Variants in IL1B observed in about 807,000 individuals in gnomAD.
IL1B encodes the protein interleukin 1 beta, also known as interleukin-1 beta.
IL1B carries 11 observed loss-of-function variants against 26.2 expected under a neutral mutation model. The observed-to-expected ratio is 0.42, with a 90% CI of 0.26 to 0.70. The LOEUF is 0.70. Among genes scored for constraint, IL1B ranks in the 30% least tolerant of loss-of-function variants. IL1B has a pLI of 0.25. For missense variants in IL1B, 255 were observed against 327.5 expected (o/e 0.78, Z 1.71); for synonymous variants, 118 against 120.8 (o/e 0.98, Z 0.15).
chr2:112,832,590 CT>C (rs779327649), intron 5 of IL1B, 71 bp downstream of exon 5: 1 of 1,475,498 alleles, frequency 6.8e-7, no homozygotes, highest in Non-Finnish European at 9.5e-7. Flanking sequence ...TAACTTTCTA[CT>C]TTGTTTAAAA....
At chr2:112,833,188 A>G in intron 4 of IL1B, 186 bp downstream of exon 4, 1 of 667,162 alleles carries the variant, frequency 1.5e-6, no homozygotes, top group South Asian at 1.7e-5. Context: ...AGCCATCAAG[A>G]TCTTCTTTAA....
intron 5 of IL1B, 129 bp from the exon 6 acceptor site, chr2:112,831,551 C>T: frequency 3.0e-6 from 3 of 994,094 alleles, no homozygotes; most frequent in Non-Finnish European, 4.6e-6. Flanking sequence ...GTTCCTTGGC[C>T]TAAGACACAG....
At chr2:112,833,294 G>A (rs905956051) in intron 4 of IL1B, 80 bp downstream of exon 4, 59 of 1,360,068 alleles carry the variant, frequency 4.3e-5, no homozygotes, top group Non-Finnish European at 5.3e-5. Context: ...CTTTGGCTCT[G>A]GGGGAATTGA....
chr2:112,830,790 TG>T (rs1330280924), intron 6 of IL1B, among the ~76,000 whole-genome samples: 1 of 152,048 alleles, frequency 6.6e-6, no homozygotes, highest in East Asian at 1.9e-4. Context: ...AGGAGCATAA[TG>T]TAGGTGAGAA....
Position 112,830,116 on chromosome 2 carries a change from G to C in IL1B, c.*245C>G. On this transcript the variant is annotated 3_prime_UTR_variant, in exon 7 of 7. Coordinates refer to ENST00000263341, the MANE Select transcript of IL1B (RefSeq NM_000576.3). ...TGTCAGGCGGGCTTTAAGTGAGTAG[G>C]AGAGGTGAGAGAGGCCTGGCTCAAC... is the stretch of plus-strand genomic sequence containing the variant. 2.0e-6 allele frequency: 1 copy of C among 509,134 alleles called. No individual in the cohort carries two copies. The highest frequency in any genetic ancestry group is 3.5e-6 in the Non-Finnish European group (1 of 283,380). The allele number at this position is 509,134 out of a possible 1,614,324, so 31.5% of individuals were successfully genotyped here.
At chr2:112,830,720 CT>C (rs1681968287) in intron 6 of IL1B, 147 bp from the exon 7 acceptor site, 8 of 649,612 alleles carry the variant, frequency 1.2e-5, no homozygotes, top group Non-Finnish European at 1.6e-5. Flanking sequence ...GGGCCCCCAA[CT>C]TTCCGTGTGA....
rs1682069829 is a variant in IL1B at position 112,835,366 on chromosome 2, CCAA to C, written c.99+197_99+199del. ...TCACCACCAAGTGTGGCCACCACCA[CCAA>C]CGTTAGTGAGTGACTGTGGTGATAT... On this transcript the variant is annotated intron_variant, in intron 3 of 6. Coordinates refer to ENST00000263341, the MANE Select transcript of IL1B (RefSeq NM_000576.3). 48 of 632,964 alleles carry C rather than the reference CCAA, an allele frequency of 7.6e-5. 2 individuals are homozygous for C. The South Asian group carries it at 8.2e-4, about 11-fold the overall frequency. 39.2% of individuals were successfully genotyped at this position (632,964 alleles called of 1,614,324 possible).
intron 4 of IL1B, chr2:112,833,077 G>T: frequency 1.7e-6 from 1 of 604,606 alleles, no homozygotes; most frequent in Non-Finnish European, 2.9e-6. Context: ...TAGGTAAAAT[G>T]GTGATGGTCA....
chr2:112,832,656 A>G lies in IL1B; in HGVS notation c.466+6T>C. 1.9e-6 allele frequency: 3 copies of G among 1,614,106 alleles called. No homozygotes were observed. The highest frequency in any genetic ancestry group is 1.7e-5 in the Admixed American group (1 of 60,026). On this transcript the variant is annotated splice_donor_region_variant and intron_variant, in intron 5 of 6. Transcript: ENST00000263341. ...CAGGCAGGGAAACCAGGATGTTTCC[A>G]TTTACCTTGTTGCTCCATATCCTGT...
chr2:112,836,522 C>T (rs1035094889), intron 1 of IL1B, 186 bp downstream of exon 1: 13 of 377,900 alleles, frequency 3.4e-5, no homozygotes, highest in Admixed American at 7.4e-5. Flanking sequence ...GAATATTTCC[C>T]GAGTCATAAG....
At position 112,831,695 on chromosome 2, in the gene IL1B, TGAAG is replaced by T. The variant is rs1042239646; in HGVS notation, c.467-277_467-274del. The stretch of plus-strand genomic sequence containing the variant: ...GAAAGAGGGTCTACATTTTAAATGC[TGAAG>T]GAAGGAAGGAAGGAAGCCATTGTGT... On this transcript the variant is annotated intron_variant, in intron 5 of 6. Coordinates refer to ENST00000263341, the MANE Select transcript of IL1B (RefSeq NM_000576.3). Among the ~76,000 whole-genome samples the T allele has an allele frequency of 8.1e-4, 123 of 152,174 alleles. 1 individual carries two copies. Among genetic ancestry groups the T allele is most frequent in the Non-Finnish European group, 1.8e-4 (12 of 67,984 alleles).
rs1682102142 is a variant in IL1B, at chr2:112,836,756, C to A, written c.-64G>T. ...GAGAATCCCAGAGCAGCCTGTTGTG[C>A]CTTGTGCCTCGAAGAGGTTTGGTAT... On this transcript the variant is annotated 5_prime_UTR_variant, in exon 1 of 7. Transcript: ENST00000263341. 1 of 157,082 alleles carries A rather than the reference C, an allele frequency of 6.4e-6. No individual in the cohort carries two copies. The highest frequency in any genetic ancestry group is 2.4e-5 in the African/African-American group (1 of 41,496). The allele number at this position is 157,082 out of a possible 1,614,324, so 9.7% of individuals were successfully genotyped here. A position where few individuals can be genotyped will look rare whatever the true frequency, so the allele number is the denominator to read the frequency against.
At chr2:112,833,908 G>A (rs757181865) in intron 3 of IL1B, among the ~76,000 whole-genome samples, 1 of 152,016 alleles carries the variant, frequency 6.6e-6, no homozygotes, top group Non-Finnish European at 1.5e-5. Flanking sequence ...AAGGAGAATC[G>A]CTTGAACTCA....
In IL1B at chr2:112,833,405, C is replaced by T; in HGVS notation, c.270G>A (p.Leu90=). 6.2e-7 allele frequency: 1 copy of T among 1,614,150 alleles called. No homozygotes were observed. The highest frequency in any genetic ancestry group is 8.5e-7 in the Non-Finnish European group (1 of 1,180,028). ...PCPQTFQEND[L]STFFPFIFEE... ...CAAAGATGAAGGGAAAGAAGGTGCT[C>T]AGGTCATTCTCCTGGAAGGTCTGTG... Residue 90 remains leucine (L), a synonymous_variant, in exon 4 of 7, where the codon CTG becomes CTA. Coordinates refer to ENST00000263341, the MANE Select transcript of IL1B (RefSeq NM_000576.3).
At position 112,835,595 on chromosome 2, in the gene IL1B, A is replaced by G. The variant is rs1401577973; in HGVS notation, c.70T>C (p.Phe24Leu). The G allele has an allele frequency of 6.2e-7, 1 of 1,613,782 alleles. No homozygotes were observed. Among genetic ancestry groups the G allele is most frequent in the Non-Finnish European group, 8.5e-7 (1 of 1,179,736 alleles). The change falls in exon 3 of 7, where the codon TTT (phenylalanine) becomes CTT (leucine). Residue 24 changes from phenylalanine to leucine, a missense_variant. Transcript: ENST00000263341. Reference sequence around the variant, plus strand: ...ATCTGTTTAGGGCCATCAGCTTCAAAGAACAAGTCATCCTCATTGCCACTG... The same window carrying G: ...ATCTGTTTAGGGCCATCAGCTTCAAGGAACAAGTCATCCTCATTGCCACTG... ...YYSGNEDDLF[F>L]EADGPKQMKC...
chr2:112,831,558 A>C, intron 5 of IL1B, 136 bp from the exon 6 acceptor site: 3 of 923,792 alleles, frequency 3.2e-6, no homozygotes, highest in Non-Finnish European at 5.1e-6. Flanking sequence ...GGCCTAAGAC[A>C]CAGGATAACT....
chr2:112,835,708 A>G, intron 2 of IL1B, 91 bp from the exon 3 acceptor site: 2 of 1,094,658 alleles, frequency 1.8e-6, no homozygotes, highest in East Asian at 4.7e-5. Flanking sequence ...GTTCATAAGA[A>G]ACTGCAAACA....
At position 112,833,470 on chromosome 2, in the gene IL1B, C is replaced by G. The variant is rs1438718924; in HGVS notation, c.205G>C (p.Val69Leu). The G allele has an allele frequency of 6.2e-7, 1 of 1,614,200 alleles. No individual in the cohort carries two copies. Among genetic ancestry groups the G allele is most frequent in the East Asian group, 2.2e-5 (1 of 44,880 alleles). ...KGFRQAASVVVAMDKLRKMLV... is the reference protein window; with the variant it reads ...KGFRQAASVVLAMDKLRKMLV... ...ATCTTCCTCAGCTTGTCCATGGCCA[C>G]AACAACTGACGCGGCCTGCCTGAAG... Residue 69 changes from valine (V) to leucine (L), a missense_variant, in exon 4 of 7, where the codon GTG (valine) becomes CTG (leucine). Physicochemically the swap from Val to Leu is conservative, Grantham distance 32. Coordinates refer to ENST00000263341, the MANE Select transcript of IL1B (RefSeq NM_000576.3).
rs1014450327 is a variant in IL1B at position 112,833,259 on chromosome 2, C to T, written c.301+115G>A. ...TCCAGCCTTCTTTGTTTTGTCTCCC[C>T]GCTGGGCCTTCTACCTTTAAAGGGC... On this transcript the variant is annotated intron_variant, in intron 4 of 6. Coordinates refer to ENST00000263341, the MANE Select transcript of IL1B (RefSeq NM_000576.3). 48 of 940,936 alleles carry T rather than the reference C, an allele frequency of 5.1e-5. No homozygotes were observed. The Middle Eastern group carries it at 6.8e-4, about 13-fold the overall frequency. 58.3% of individuals were successfully genotyped at this position (940,936 alleles called of 1,614,324 possible).
Sources: allele counts gnomAD v4.1 joint callset (sites outside exome capture counted in the v4.1 genomes callset), GRCh38; gene constraint gnomAD v4.1.1; transcripts MANE v1.5; gene names NCBI Gene and HGNC (gene_info 2026-07-23, HGNC 2026-07-21).